ERBIN: variants seen among roughly 807,000 people sequenced by gnomAD.
The protein encoded by ERBIN is densin-180-like protein.
A neutral mutation model predicts 158.4 loss-of-function variants in ERBIN; 60 were observed. The ratio of observed to expected loss-of-function variants is 0.38; its 90% CI spans 0.31 to 0.47. ERBIN has a LOEUF of 0.47. Ranked by LOEUF, ERBIN falls within the 20% of genes least tolerant of loss-of-function variation. ERBIN has a pLI of 0.99. For missense variants in ERBIN, 1,610 were observed against 1,648.0 expected (o/e 0.98, Z 0.40); for synonymous variants, 594 against 557.2 (o/e 1.07, Z -0.93).
chr5:65,960,732 A>G (rs1042089460), intron 1 of ERBIN, among the ~76,000 whole-genome samples: 5 of 152,188 alleles, frequency 3.3e-5, no homozygotes, highest in African/African-American at 1.2e-4. Flanking sequence ...GAGAGACAAC[A>G]CTTGGGGAAA....
chr5:65,937,380 G>A (rs577522534), intron 1 of ERBIN, among the ~76,000 whole-genome samples: 21 of 152,154 alleles, frequency 1.4e-4, no homozygotes, highest in Non-Finnish European at 2.6e-4. Flanking sequence ...TTGTAGTGCC[G>A]TTTGTTGAAT....
At chr5:66,033,148 T>TTTTC (rs1757058323) in intron 14 of ERBIN, among the ~76,000 whole-genome samples, 1 of 152,190 alleles carries the variant, frequency 6.6e-6, no homozygotes, top group African/African-American at 2.4e-5. Context: ...GAAGGCTTCA[T>TTTTC]TTTCTTTTTT....
chr5:66,007,433 TATACC>T (rs1753727240), intron 4 of ERBIN, among the ~76,000 whole-genome samples: 1 of 5,336 alleles, frequency 1.9e-4, no homozygotes, highest in African/African-American at 2.1e-3. Context: ...GAGATATACC[TATACC>T]TAATGTTAAA....
At chr5:65,998,997 T>A (rs1215445883) in intron 4 of ERBIN, among the ~76,000 whole-genome samples, 2 of 152,182 alleles carry the variant, frequency 1.3e-5, no homozygotes, top group Admixed American at 1.3e-4. Flanking sequence ...TTTGTTACAT[T>A]TGTCTTACTT....
At position 66,081,024 on chromosome 5, in the gene ERBIN, AGTG is replaced by A. The variant is rs1371825031; in HGVS notation, c.*2496_*2498del. On this transcript the variant is annotated 3_prime_UTR_variant, in exon 26 of 26. Coordinates refer to ENST00000284037, the MANE Select transcript of ERBIN (RefSeq NM_001253697.2). Reference sequence around the variant, plus strand: ...ATAAAATAATTAAATTTTTTGAGGAAGTGGAGAAGACATTTTTAGTTTATATAT... The same window carrying A: ...ATAAAATAATTAAATTTTTTGAGGAAGAGAAGACATTTTTAGTTTATATAT... 6.6e-6 allele frequency: 1 copy of A among 151,978 alleles called. No individual in the cohort carries two copies. The highest frequency in any genetic ancestry group is 1.5e-5 in the Non-Finnish European group (1 of 67,878). The allele number at this position is 151,978 out of a possible 1,614,324, so 9.4% of individuals were successfully genotyped here.
At chr5:66,074,911 CTTAA>C in intron 22 of ERBIN, 109 bp from the exon 23 acceptor site, 1 of 861,018 alleles carries the variant, frequency 1.2e-6, no homozygotes, top group Middle Eastern at 3.2e-4. Context: ...TATTGTTTGA[CTTAA>C]TTAGAATGTG....
At chr5:65,952,881 C>T (rs1315866247) in intron 1 of ERBIN, among the ~76,000 whole-genome samples, 1 of 152,052 alleles carries the variant, frequency 6.6e-6, no homozygotes, top group Non-Finnish European at 1.5e-5. Context: ...GGTCTAGGAA[C>T]AAGAGTACAA....
Position 66,079,372 on chromosome 5 carries a change from A to AT in ERBIN, c.*857dup, listed in dbSNP as rs201439322. The AT allele has an allele frequency of 0.012, 1,641 of 132,922 alleles. 10 individuals are homozygous for AT. Among genetic ancestry groups the AT allele is most frequent in the South Asian group, 0.017 (71 of 4,264 alleles). 8.2% of individuals were successfully genotyped at this position (132,922 alleles called of 1,614,324 possible). ...TTTTCTGTGTTATGGAAATCCACTG[A>AT]TTTTTTTTTTTTTTTCAAATGGTGG... On this transcript the variant is annotated 3_prime_UTR_variant, in exon 26 of 26. Transcript: ENST00000284037.
intron 1 of ERBIN, among the ~76,000 whole-genome samples, chr5:65,953,914 A>AC (rs917938118): frequency 1.1e-4 from 16 of 151,896 alleles, no homozygotes; most frequent in African/African-American, 3.6e-4. Flanking sequence ...ATGAAATTAG[A>AC]CCCCCCTCCC....
At chr5:65,985,038 A>G (rs1044462999) in intron 1 of ERBIN, among the ~76,000 whole-genome samples, 1 of 152,232 alleles carries the variant, frequency 6.6e-6, no homozygotes, top group Non-Finnish European at 1.5e-5. Flanking sequence ...ATGAAATAAG[A>G]TTGACCATGC....
chr5:66,074,120 C>G (rs1761772830), intron 22 of ERBIN, among the ~76,000 whole-genome samples: 1 of 145,550 alleles, frequency 6.9e-6, no homozygotes, highest in South Asian at 2.2e-4. Flanking sequence ...GAACTCCTGG[C>G]CTGAAGCAAT....
At chr5:65,969,276 C>T (rs1415606391) in intron 1 of ERBIN, among the ~76,000 whole-genome samples, 1 of 152,112 alleles carries the variant, frequency 6.6e-6, no homozygotes, top group Non-Finnish European at 1.5e-5. Flanking sequence ...AAACAAGTTA[C>T]TCTTATGTAT....
At chr5:65,933,280 A>G (rs894167850) in intron 1 of ERBIN, among the ~76,000 whole-genome samples, 1 of 152,198 alleles carries the variant, frequency 6.6e-6, no homozygotes, top group Non-Finnish European at 1.5e-5. Flanking sequence ...AAAGTTTTAT[A>G]TGATGACCTA....
At chr5:66,077,229 G>A (rs1762069956) in intron 25 of ERBIN, among the ~76,000 whole-genome samples, 1 of 152,092 alleles carries the variant, frequency 6.6e-6, no homozygotes, top group Middle Eastern at 3.4e-3. Flanking sequence ...CTAATTTGAG[G>A]GGGATTAGAG....
At chr5:65,954,580 C>A (rs1335187930) in intron 1 of ERBIN, among the ~76,000 whole-genome samples, 1 of 152,122 alleles carries the variant, frequency 6.6e-6, no homozygotes, top group Non-Finnish European at 1.5e-5. Context: ...GCTGTAAATA[C>A]TACTTCATGC....
intron 7 of ERBIN, among the ~76,000 whole-genome samples, chr5:66,017,586 A>G (rs1297177372): frequency 6.6e-6 from 1 of 150,514 alleles, no homozygotes; most frequent in Non-Finnish European, 1.5e-5. Flanking sequence ...AATTCCTGTC[A>G]GATGGATACT....
chr5:65,931,018 C>T (rs1045317701), intron 1 of ERBIN, among the ~76,000 whole-genome samples: 2 of 140,896 alleles, frequency 1.4e-5, no homozygotes, highest in African/African-American at 6.5e-5. Flanking sequence ...AGGAGAATAT[C>T]TAAAAATTCA....
intron 14 of ERBIN, among the ~76,000 whole-genome samples, chr5:66,035,802 T>G (rs1373725126): frequency 6.6e-6 from 1 of 152,218 alleles, no homozygotes; most frequent in Non-Finnish European, 1.5e-5. Flanking sequence ...TAAAAAATTA[T>G]AAGTAATCAG....
At position 65,957,397 on chromosome 5, in the gene ERBIN, G is replaced by C. The variant is rs192233127; in HGVS notation, c.-58+30591G>C. Among the ~76,000 whole-genome samples the C allele has an allele frequency of 1.0e-3, 157 of 152,124 alleles. 2 individuals are homozygous for C. Among genetic ancestry groups the C allele is most frequent in the African/African-American group, 3.7e-3 (155 of 41,492 alleles). On this transcript the variant is annotated intron_variant, in intron 1 of 25. Coordinates refer to ENST00000284037, the MANE Select transcript of ERBIN (RefSeq NM_001253697.2). ...GCAGTGTTTGTATCCCTGGGTACTT[G>C]AGATTAGGGAGTGGTGATGACTCTT...
Sources: gnomAD v4.1 joint callset for allele counts (sites outside exome capture counted in the v4.1 genomes callset) on GRCh38, gnomAD v4.1.1 for gene constraint, MANE v1.5 for transcripts, NCBI Gene and HGNC (gene_info 2026-07-23, HGNC 2026-07-21) for gene names.